MYH10: variants seen among roughly 807,000 people sequenced by gnomAD.
MYH10 encodes the protein myosin heavy chain 10, also known as myosin-10.
A neutral mutation model predicts 257.8 loss-of-function variants in MYH10; 55 were observed. That is an observed-to-expected ratio of 0.21 (90% CI 0.17 to 0.27). The LOEUF (loss-of-function observed/expected upper bound fraction) is 0.27. MYH10 is among the 10% of genes least tolerant of loss of function. The pLI, the probability that MYH10 is intolerant of heterozygous loss-of-function variation, is 1.00. For synonymous variants in MYH10, 854 were observed against 921.7 expected (o/e 0.93, Z 1.33); for missense variants, 1,631 against 2,500.6 (o/e 0.65, Z 7.42).
chr17:8,492,532 A>G, intron 33 of MYH10, 23 bp from the exon 34 acceptor site: 2 of 1,588,428 alleles, frequency 1.3e-6, no homozygotes, highest in South Asian at 1.1e-5. Flanking sequence ...GGATGGGGGA[A>G]TACGAAAAAC....
Position 8,476,926 on chromosome 17 carries a change from C to G in MYH10, c.5829G>C (p.Glu1943Asp), listed in dbSNP as rs201138840. Residue 1943 changes from glutamate (E) to aspartate (D), a missense_variant, in exon 42 of 43, where the codon GAG becomes GAC. Coordinates refer to ENST00000360416, the MANE Select transcript of MYH10 (RefSeq NM_001256012.3). ...KLQRELDDAT[E>D]ANEGLSREVS... ...CCTCGCGGCTCAGGCCCTCGTTGGC[C>G]TCGGTGGCATCATCCAGTTCCCGCT... 1 of 1,613,404 alleles carries G rather than the reference C, an allele frequency of 6.2e-7. No homozygotes were observed. Among genetic ancestry groups the G allele is most frequent in the African/African-American group, 1.3e-5 (1 of 75,072 alleles).
At chr17:8,499,554 A>C in intron 29 of MYH10, 78 bp from the exon 30 acceptor site, 1 of 1,326,066 alleles carries the variant, frequency 7.5e-7, no homozygotes, top group Non-Finnish European at 1.1e-6. Context: ...TTGAGTCTGC[A>C]GAATTGTGCC....
intron 2 of MYH10, among the ~76,000 whole-genome samples, chr17:8,616,064 G>T (rs1416607326): frequency 6.6e-6 from 1 of 152,188 alleles, no homozygotes; most frequent in Non-Finnish European, 1.5e-5. Flanking sequence ...CAGGCGGATT[G>T]CTTTTGCCCA....
At chr17:8,619,716 G>C (rs1471746527) in intron 2 of MYH10, among the ~76,000 whole-genome samples, 1 of 152,054 alleles carries the variant, frequency 6.6e-6, no homozygotes, top group Non-Finnish European at 1.5e-5. Context: ...TTGAGGTCAG[G>C]AGTTCAAGAC....
intron 2 of MYH10, among the ~76,000 whole-genome samples, chr17:8,609,273 AAC>A (rs2084935429): frequency 6.6e-6 from 1 of 152,212 alleles, no homozygotes; most frequent in South Asian, 2.1e-4. Flanking sequence ...TCCTACTACG[AAC>A]AGGGATTGAA....
chr17:8,484,761 T>C (rs1392864465), intron 36 of MYH10, among the ~76,000 whole-genome samples: 2 of 152,176 alleles, frequency 1.3e-5, no homozygotes, highest in African/African-American at 4.8e-5. Context: ...ACCCTTTCAA[T>C]ATAAAAATGC....
At chr17:8,487,342 C>T (rs1219933576) in intron 36 of MYH10, 91 bp downstream of exon 36, 5 of 1,500,190 alleles carry the variant, frequency 3.3e-6, no homozygotes, top group Non-Finnish European at 4.6e-6. Context: ...GACAGCGGTG[C>T]TGTGCCCCCC....
chr17:8,541,924 C>G (rs2082301727), intron 14 of MYH10, 183 bp downstream of exon 14: 1 of 552,284 alleles, frequency 1.8e-6, no homozygotes, highest in Non-Finnish European at 3.1e-6. Flanking sequence ...AAGGGTTTTA[C>G]TGGCATGCTA....
At chr17:8,584,049 T>A (rs988926676) in intron 4 of MYH10, among the ~76,000 whole-genome samples, 1 of 152,156 alleles carries the variant, frequency 6.6e-6, no homozygotes, top group Non-Finnish European at 1.5e-5. Flanking sequence ...GGATTTCACC[T>A]CCAGTTCTAT....
intron 4 of MYH10, among the ~76,000 whole-genome samples, chr17:8,584,978 A>C (rs924171581): frequency 1.3e-5 from 2 of 151,808 alleles, no homozygotes. Flanking sequence ...CAAGTAGCTG[A>C]GATTATAGGC....
At chr17:8,618,460 A>G (rs2152101798) in intron 2 of MYH10, among the ~76,000 whole-genome samples, 1 of 152,286 alleles carries the variant, frequency 6.6e-6, no homozygotes, top group South Asian at 2.1e-4. Flanking sequence ...GCTGGTCTCG[A>G]ACTCCTGACC....
chr17:8,578,824 T>C (rs2083595638), intron 4 of MYH10, among the ~76,000 whole-genome samples: 1 of 152,174 alleles, frequency 6.6e-6, no homozygotes, highest in African/African-American at 2.4e-5. Flanking sequence ...ATTTGGATTA[T>C]AAGAAAAATT....
At position 8,569,535 on chromosome 17, in the gene MYH10, CT is replaced by C. The variant is rs1321338334; in HGVS notation, c.756+184del. Among the ~76,000 whole-genome samples the C allele has an allele frequency of 2.6e-5, 4 of 152,192 alleles. No individual in the cohort carries two copies. The highest frequency in any genetic ancestry group is 1.9e-4 in the East Asian group (1 of 5,188). ...ATGATGAAAGTTACTTACACATTAC[CT>C]TTTTTCTTTTCAAATGTGACTACTA... On this transcript the variant is annotated intron_variant, in intron 7 of 42. Transcript: ENST00000360416. This position sits in a 1 kb window ranked among gnomAD's most constrained non-coding sequence, Gnocchi z 4.1.
intron 1 of MYH10, among the ~76,000 whole-genome samples, chr17:8,626,192 A>T (rs1161429820): frequency 6.6e-6 from 1 of 152,206 alleles, no homozygotes; most frequent in Admixed American, 6.5e-5. Context: ...TCTGCATAAC[A>T]GTTTTAAAAG....
chr17:8,576,237 A>C (rs967707133), intron 6 of MYH10, among the ~76,000 whole-genome samples: 1 of 152,176 alleles, frequency 6.6e-6, no homozygotes, highest in African/African-American at 2.4e-5. Flanking sequence ...AACAGATCAG[A>C]AATTTGTTAG....
At chr17:8,486,508 A>T (rs1209323502) in intron 36 of MYH10, among the ~76,000 whole-genome samples, 1 of 149,744 alleles carries the variant, frequency 6.7e-6, no homozygotes, top group Non-Finnish European at 1.5e-5. Context: ...TATCTCTGGG[A>T]AAAAAAACAA....
chr17:8,559,441 T>C (rs1399926904), intron 7 of MYH10, among the ~76,000 whole-genome samples: 2 of 152,214 alleles, frequency 1.3e-5, no homozygotes, highest in Admixed American at 6.5e-5. Context: ...GATGAAGCAA[T>C]AGTTATTACT....
At chr17:8,622,102 G>A (rs1007082769) in intron 2 of MYH10, among the ~76,000 whole-genome samples, 4 of 152,122 alleles carry the variant, frequency 2.6e-5, no homozygotes, top group African/African-American at 4.8e-5. Flanking sequence ...CCCCTTTTCC[G>A]ATTTCAAACC....
intron 30 of MYH10, among the ~76,000 whole-genome samples, 163 bp downstream of exon 30, chr17:8,499,107 A>G (rs1251062348): frequency 2.0e-5 from 3 of 152,232 alleles, no homozygotes; most frequent in African/African-American, 7.2e-5. Flanking sequence ...CATCAAAGTA[A>G]TAGACACTAG....
Sources: allele counts gnomAD v4.1 joint callset (sites outside exome capture counted in the v4.1 genomes callset), GRCh38; gene constraint gnomAD v4.1.1; non-coding constraint Gnocchi (gnomAD v3.1); transcripts MANE v1.5; gene names NCBI Gene and HGNC (gene_info 2026-07-23, HGNC 2026-07-21).